Variants in KLK12 observed in about 807,000 individuals in gnomAD.
KLK12 encodes the protein kallikrein related peptidase 12, also known as kallikrein-12.
A neutral mutation model predicts 20.0 loss-of-function variants in KLK12; 23 were observed. The ratio of observed to expected loss-of-function variants is 1.15; its 90% CI spans 0.83 to 1.63. KLK12 has a LOEUF of 1.63. Ranked by LOEUF, KLK12 falls within the 40% of genes most tolerant of loss-of-function variation. The probability of loss-of-function intolerance (pLI) is 0.00; values close to 1 mark genes in which losing one functional copy is unlikely to be tolerated. For synonymous variants in KLK12, 147 were observed against 141.9 expected (o/e 1.04, Z -0.25); for missense variants, 351 against 338.6 (o/e 1.04, Z -0.29).
intron 3 of KLK12, among the ~76,000 whole-genome samples, chr19:51,033,048 T>G (rs1472240075): frequency 2.0e-5 from 3 of 151,168 alleles, no homozygotes; most frequent in Non-Finnish European, 4.4e-5. Flanking sequence ...ACCCTGTCTC[T>G]ACAAAAAAAA....
chr19:51,033,819 C>A lies in KLK12; in HGVS notation c.197+161G>T, dbSNP rs188687566. On this transcript the variant is annotated intron_variant, in intron 3 of 5. Transcript: ENST00000684732. ...CATACCTCACCCTGCCCAGCACCAC[C>A]CCAGGCCCACTGCTAAGGAAGTTCC... The A allele has an allele frequency of 3.3e-3, 2,625 of 787,154 alleles. 10 individuals carry two copies. Among genetic ancestry groups the A allele is most frequent in the Non-Finnish European group, 3.8e-3 (1,780 of 466,512 alleles). The allele number at this position is 787,154 out of a possible 1,614,324, so 48.8% of individuals were successfully genotyped here.
chr19:51,029,324 C>G lies in KLK12; in HGVS notation c.725G>C (p.Arg242Pro). The G allele has an allele frequency of 6.2e-7, 1 of 1,614,076 alleles. No individual in the cohort carries two copies. The highest frequency in any genetic ancestry group is 8.5e-7 in the Non-Finnish European group (1 of 1,180,012). The change falls in exon 6 of 6, where the codon CGG becomes CCG. Residue 242 changes from arginine (R) to proline (P), a missense_variant. Arg to Pro is a moderately radical substitution (Grantham distance 103). Coordinates refer to ENST00000684732, the MANE Select transcript of KLK12 (RefSeq NM_001370125.1). ...TYICKYVDWI[R>P]MIMRNN is the part of the protein sequence containing the mutation. Reference sequence around the variant, plus strand: ...AGGTCAGTTGTTCCTCATGATCATCCGGATCCAGTCCACATACTTGCAAAT... The same window carrying G: ...AGGTCAGTTGTTCCTCATGATCATCGGGATCCAGTCCACATACTTGCAAAT...
At chr19:51,032,164 CA>C in intron 3 of KLK12, 29 bp from the exon 4 acceptor site, 1 of 1,572,158 alleles carries the variant, frequency 6.4e-7, no homozygotes. Context: ...GAGCGGGTGG[CA>C]GGCACGCAGT....
Position 51,032,082 on chromosome 19 carries a change from T to C in KLK12, c.251A>G (p.Glu84Gly). 1 of 1,604,896 alleles carries C rather than the reference T, an allele frequency of 6.2e-7. No homozygotes were observed. Among genetic ancestry groups the C allele is most frequent in the Non-Finnish European group, 8.5e-7 (1 of 1,177,912 alleles). Residue 84 changes from glutamate (E) to glycine (G), a missense_variant, in exon 4 of 6, where the codon GAG becomes GGG. By Grantham distance (98) the Glu-to-Gly change is moderately conservative. Coordinates refer to ENST00000684732, the MANE Select transcript of KLK12 (RefSeq NM_001370125.1). Reference protein sequence around the residue: ...EHSLSQLDWTEQIRHSGFSVT... With the variant: ...EHSLSQLDWTGQIRHSGFSVT... ...AGAGAAGCCGCTGTGCCGGATCTGC[T>C]CGGTCCAGTCGAGCTGGCTGAGGCT... is the stretch of plus-strand genomic sequence containing the variant.
rs1482723878 is a variant in KLK12 at position 51,033,422 on chromosome 19, C to T, written c.197+558G>A. Among the ~76,000 whole-genome samples the T allele has an allele frequency of 2.6e-5, 4 of 152,038 alleles. No homozygotes were observed. The South Asian group carries it at 6.2e-4, about 24-fold the overall frequency. ...TTTGAGGCCAGGAGTTCGAGACCAG[C>T]CTGGCCAACATGGCAAAACCCTGTC... is the stretch of plus-strand genomic sequence containing the variant. On this transcript the variant is annotated intron_variant, in intron 3 of 5. Transcript: ENST00000684732.
chr19:51,034,544 C>T, intron 2 of KLK12, 41 bp downstream of exon 2: 1 of 1,600,692 alleles, frequency 6.2e-7, no homozygotes, highest in Non-Finnish European at 8.5e-7. Context: ...TGAAGGGATC[C>T]AGTCGCAGTC....
Position 51,031,410 on chromosome 19 carries a change from C to T in KLK12, c.457+466G>A, listed in dbSNP as rs1268065048. ...TATTGGGCCCCAGCCTCCATGACCC[C>T]AAACTTCGGGCCCCACACCCCAAAC... On this transcript the variant is annotated intron_variant, in intron 4 of 5. Transcript: ENST00000684732. 5.3e-5 allele frequency among the ~76,000 whole-genome samples: 8 copies of T among 151,960 alleles called. No individual in the cohort carries two copies. In the East Asian group the frequency reaches 1.6e-3, roughly 30 times the overall value.
intron 4 of KLK12, among the ~76,000 whole-genome samples, chr19:51,031,591 C>CATATATAT (rs1185762497): frequency 3.3e-5 from 2 of 60,478 alleles, no homozygotes; most frequent in East Asian, 7.0e-4. Context: ...ATATCCTATA[C>CATATATAT]ATACATATAT....
chr19:51,032,192 C>A, intron 3 of KLK12, 57 bp from the exon 4 acceptor site: 1 of 1,483,504 alleles, frequency 6.7e-7, no homozygotes, highest in African/African-American at 1.9e-5. Context: ...CCTTGCACCC[C>A]TCCACGGACA....
rs185501023 is a variant in KLK12, at chr19:51,032,426, G to A, written c.198-291C>T. ...TTTCAAGACCGAGTCTCGCTCTGTC[G>A]CCCAGGCTGGAGTGCAGTGGCACCA... is the stretch of plus-strand genomic sequence containing the variant. On this transcript the variant is annotated intron_variant, in intron 3 of 5. Coordinates refer to ENST00000684732, the MANE Select transcript of KLK12 (RefSeq NM_001370125.1). Among the ~76,000 whole-genome samples the A allele has an allele frequency of 2.8e-4, 35 of 125,146 alleles. No individual in the cohort carries two copies. The East Asian group carries it at 4.7e-3, about 17-fold the overall frequency. The allele number at this position is 125,146 out of a possible 152,430, so 82.1% of individuals were successfully genotyped here.
chr19:51,029,398 C>A lies in KLK12; in HGVS notation c.651G>T (p.Gly217=). The change falls in exon 6 of 6, where the codon GGG becomes GGT. Residue 217 remains glycine (G), a synonymous_variant. Coordinates refer to ENST00000684732, the MANE Select transcript of KLK12 (RefSeq NM_001370125.1). The part of the protein sequence containing the change: ...GGVLQGLVSW[G]SVGPCGQDGI... ...CATCTTGTCCACAGGGCCCCACAGACCCCCAGGACACCAGACCTTGAAGGA... is the reference window on the plus strand; with the variant it reads ...CATCTTGTCCACAGGGCCCCACAGAACCCCAGGACACCAGACCTTGAAGGA... 3 of 1,613,750 alleles carry A rather than the reference C, an allele frequency of 1.9e-6. No homozygotes were observed. Among genetic ancestry groups the A allele is most frequent in the Admixed American group, 1.7e-5 (1 of 60,018 alleles).
chr19:51,033,602 C>T (rs527806741), intron 3 of KLK12, among the ~76,000 whole-genome samples: 102 of 152,066 alleles, frequency 6.7e-4, no homozygotes, highest in African/African-American at 2.2e-3. Context: ...GGCGACAGAG[C>T]GAGACCCTGT....
chr19:51,032,180 C>T (rs760710231), intron 3 of KLK12, 45 bp from the exon 4 acceptor site: 1 of 1,539,968 alleles, frequency 6.5e-7, no homozygotes, highest in Non-Finnish European at 8.7e-7. Context: ...CGCAGTCCCC[C>T]ACCTTGCACC....
rs754168246 is a variant in KLK12, at chr19:51,029,136, C to G, written c.*166G>C. 6 of 1,613,044 alleles carry G rather than the reference C, an allele frequency of 3.7e-6. No homozygotes were observed. In the African/African-American group the frequency reaches 6.7e-5, roughly 18 times the overall value. On this transcript the variant is annotated 3_prime_UTR_variant, in exon 6 of 6. Coordinates refer to ENST00000684732, the MANE Select transcript of KLK12 (RefSeq NM_001370125.1). ...TTATTCCAGACTATTGCACACTTCTCTCACCCCGCTCGTGGGTCTTAGAAG... is the reference window on the plus strand; with the variant it reads ...TTATTCCAGACTATTGCACACTTCTGTCACCCCGCTCGTGGGTCTTAGAAG...
chr19:51,030,411 G>C (rs1212960667), intron 5 of KLK12, among the ~76,000 whole-genome samples: 1 of 151,254 alleles, frequency 6.6e-6, no homozygotes, highest in South Asian at 2.1e-4. Flanking sequence ...GTGCAGTGGC[G>C]TGATCTCAGC....
Position 51,031,543 on chromosome 19 carries a change from G to A in KLK12, c.457+333C>T, listed in dbSNP as rs980222999. 2.4e-4 allele frequency among the ~76,000 whole-genome samples: 35 copies of A among 146,098 alleles called. 1 individual carries two copies. The highest frequency in any genetic ancestry group is 2.3e-3 in the Admixed American group (32 of 14,154). ...CTGGATCCCATGACCTTAATTCTAC[G>A]GTGACCTCTAACCCCAGACCCATGA... is the stretch of plus-strand genomic sequence containing the variant. On this transcript the variant is annotated intron_variant, in intron 4 of 5. Transcript: ENST00000684732.
rs8104577 is a variant in KLK12 at position 51,034,898 on chromosome 19, T to C, written c.-112A>G. 7.4e-7 allele frequency: 1 copy of C among 1,350,440 alleles called. No homozygotes were observed. The highest frequency in any genetic ancestry group is 9.6e-7 in the Non-Finnish European group (1 of 1,046,086). The allele number at this position is 1,350,440 out of a possible 1,614,324, so 83.7% of individuals were successfully genotyped here. A position where few individuals can be genotyped will look rare whatever the true frequency, so the allele number is the denominator to read the frequency against. On this transcript the variant is annotated 5_prime_UTR_variant, in exon 1 of 6. Transcript: ENST00000684732. ...CTCTCCGTCCACCTACCTGCCTGTC[T>C]TCTCATGTGCTGGCCACTCCGCCAG...
At chr19:51,030,963 C>G (rs917020132) in intron 4 of KLK12, 42 bp from the exon 5 acceptor site, 1 of 1,613,366 alleles carries the variant, frequency 6.2e-7, no homozygotes, top group African/African-American at 1.3e-5. Flanking sequence ...CCTAAATCTC[C>G]CCACTTTGAG....
Position 51,034,068 on chromosome 19 carries a change from C to A in KLK12, c.109G>T (p.Val37Leu). ...AGGCTGGTGCCCTCAAACAGCCCCA[C>A]CTGCCACGGCTGTGAGTTACGCCCA... ...ECGRNSQPWQ[V>L]GLFEGTSLRC... The change falls in exon 3 of 6, where the codon GTG becomes TTG. Residue 37 changes from valine to leucine, a missense_variant. Transcript: ENST00000684732. The A allele has an allele frequency of 6.3e-7, 1 of 1,581,858 alleles. No individual in the cohort carries two copies. Among genetic ancestry groups the A allele is most frequent in the Non-Finnish European group, 8.6e-7 (1 of 1,163,526 alleles).
Sources: gnomAD v4.1 joint callset for allele counts (sites outside exome capture counted in the v4.1 genomes callset) on GRCh38, gnomAD v4.1.1 for gene constraint, MANE v1.5 for transcripts, NCBI Gene and HGNC (gene_info 2026-07-23, HGNC 2026-07-21) for gene names.